Variants in CCSER1 observed in about 807,000 individuals in gnomAD.
CCSER1 encodes the protein serine-rich coiled-coil domain-containing protein 1.
In CCSER1, 41 loss-of-function variants were observed where a neutral mutation model predicts 82.0. The observed-to-expected ratio is 0.50, with a 90% confidence interval of 0.39 to 0.65. CCSER1 has a LOEUF of 0.65. CCSER1 is among the 30% of genes least tolerant of loss of function. The pLI, the probability that CCSER1 is intolerant of heterozygous loss-of-function variation, is 0.00. For missense variants in CCSER1, 1,119 were observed against 1,064.2 expected (o/e 1.05, Z -0.72); for synonymous variants, 414 against 383.9 (o/e 1.08, Z -0.92).
At chr4:91,372,833 C>T (rs1750137782) in intron 10 of CCSER1, among the ~76,000 whole-genome samples, 1 of 152,000 alleles carries the variant, frequency 6.6e-6, no homozygotes, top group Non-Finnish European at 1.5e-5. Context: ...AGACAAACCA[C>T]CACAATCATG....
In CCSER1 at chr4:90,610,780, G is replaced by A. The variant is rs72871957; in HGVS notation, c.1725-17245G>A. Among the ~76,000 whole-genome samples the A allele has an allele frequency of 9.2e-3, 1,399 of 152,176 alleles. 19 individuals carry two copies. Among genetic ancestry groups the A allele is most frequent in the African/African-American group, 0.032 (1,315 of 41,496 alleles). On this transcript the variant is annotated intron_variant, in intron 5 of 10. Transcript: ENST00000509176. ...AATTTATTAATATGCATTGAATAGC[G>A]CTAGAGTGTACAGAAGGCAGATCGA... is the stretch of plus-strand genomic sequence containing the variant.
intron 9 of CCSER1, among the ~76,000 whole-genome samples, chr4:91,009,195 G>T (rs1738790662): frequency 6.6e-6 from 1 of 152,178 alleles, no homozygotes; most frequent in African/African-American, 2.4e-5. Context: ...ACACAGAGCA[G>T]AAGAGAGTGC....
At chr4:91,321,221 TAAC>T (rs995753186) in intron 10 of CCSER1, among the ~76,000 whole-genome samples, 1 of 152,094 alleles carries the variant, frequency 6.6e-6, no homozygotes, top group Non-Finnish European at 1.5e-5. Flanking sequence ...GCTATGATAA[TAAC>T]AACTTAACAC....
intron 10 of CCSER1, among the ~76,000 whole-genome samples, chr4:91,595,368 C>T (rs1217747546): frequency 6.6e-6 from 1 of 152,058 alleles, no homozygotes; most frequent in African/African-American, 2.4e-5. Context: ...CAAACTACAA[C>T]AATAAATATA....
At chr4:90,915,145 A>C (rs953383875) in intron 8 of CCSER1, among the ~76,000 whole-genome samples, 1 of 152,180 alleles carries the variant, frequency 6.6e-6, no homozygotes, top group Non-Finnish European at 1.5e-5. Context: ...AAAAGAGGGA[A>C]TCCTCCCTAA....
intron 4 of CCSER1, among the ~76,000 whole-genome samples, chr4:90,467,609 G>C (rs1416247384): frequency 2.0e-5 from 3 of 152,068 alleles, no homozygotes; most frequent in Non-Finnish European, 4.4e-5. Context: ...CTTGGACTTG[G>C]GAGGCGGAGG....
At chr4:90,980,706 A>G (rs1736034788) in intron 9 of CCSER1, among the ~76,000 whole-genome samples, 1 of 151,576 alleles carries the variant, frequency 6.6e-6, no homozygotes, top group Non-Finnish European at 1.5e-5. Flanking sequence ...AGAGAGGGAA[A>G]GTAGGGATAG....
chr4:90,403,007 A>C (rs1373347453), intron 4 of CCSER1, among the ~76,000 whole-genome samples: 1 of 152,206 alleles, frequency 6.6e-6, no homozygotes, highest in East Asian at 1.9e-4. Context: ...CTAATAGATA[A>C]AATATTACTT....
At chr4:90,459,377 A>G (rs1280365023) in intron 4 of CCSER1, among the ~76,000 whole-genome samples, 1 of 152,146 alleles carries the variant, frequency 6.6e-6, no homozygotes, top group Non-Finnish European at 1.5e-5. Context: ...TTAATTATTA[A>G]TATTAGTAAA....
chr4:90,309,567 T>A lies in CCSER1; in HGVS notation c.1283T>A (p.Phe428Tyr). ...CCTACTTCTGGTGATCATCATATTT[T>A]TAACAAAACATCACATGGATATGAA... is the stretch of plus-strand genomic sequence containing the variant. ...IIPTSGDHHI[F>Y]NKTSHGYEAN... Residue 428 changes from phenylalanine to tyrosine, a missense_variant, in exon 2 of 11, where the codon TTT (phenylalanine) becomes TAT (tyrosine). Coordinates refer to ENST00000509176, the MANE Select transcript of CCSER1 (RefSeq NM_001145065.2). 6.2e-7 allele frequency: 1 copy of A among 1,604,788 alleles called. No homozygotes were observed. The highest frequency in any genetic ancestry group is 1.3e-5 in the African/African-American group (1 of 74,488).
chr4:91,597,786 G>A (rs1578890706), intron 10 of CCSER1, among the ~76,000 whole-genome samples: 1 of 110,946 alleles, frequency 9.0e-6, no homozygotes, highest in Non-Finnish European at 1.9e-5. Flanking sequence ...GAACAATTAA[G>A]CCAGCCAGTC....
At chr4:91,425,246 T>A (rs1753903419) in intron 10 of CCSER1, among the ~76,000 whole-genome samples, 2 of 152,116 alleles carry the variant, frequency 1.3e-5, no homozygotes, top group South Asian at 2.1e-4. Flanking sequence ...ATTTTAGAAC[T>A]AATGGGAACT....
At chr4:90,472,332 T>A (rs1764510424) in intron 5 of CCSER1, among the ~76,000 whole-genome samples, 1 of 152,214 alleles carries the variant, frequency 6.6e-6, no homozygotes, top group South Asian at 2.1e-4. Flanking sequence ...ATATTTGTAT[T>A]ATCTAACCAA....
chr4:90,696,425 G>A (rs1013498425), intron 6 of CCSER1, among the ~76,000 whole-genome samples: 1 of 151,856 alleles, frequency 6.6e-6, no homozygotes, highest in Non-Finnish European at 1.5e-5. Context: ...TGAAGATAAA[G>A]GTGTTTAAGT....
chr4:91,272,661 A>G (rs1451895272), intron 10 of CCSER1, among the ~76,000 whole-genome samples: 2 of 151,704 alleles, frequency 1.3e-5, no homozygotes, highest in Non-Finnish European at 2.9e-5. Flanking sequence ...TTGGTCATGA[A>G]CTCTTTGCCT....
intron 10 of CCSER1, among the ~76,000 whole-genome samples, chr4:91,539,325 A>G (rs895379962): frequency 2.0e-5 from 3 of 152,082 alleles, no homozygotes; most frequent in South Asian, 2.1e-4. Flanking sequence ...ATCTTTATCC[A>G]TGATATAGTT....
chr4:91,594,370 CAT>C (rs754882614), intron 10 of CCSER1, among the ~76,000 whole-genome samples: 58 of 136,060 alleles, frequency 4.3e-4, no homozygotes, highest in Middle Eastern at 3.8e-3. Context: ...TATATATACA[CAT>C]ATATATACAC....
At chr4:90,385,344 C>T (rs1578209859) in intron 3 of CCSER1, among the ~76,000 whole-genome samples, 1 of 150,878 alleles carries the variant, frequency 6.6e-6, no homozygotes, top group Middle Eastern at 3.4e-3. Context: ...TACATTCCCA[C>T]CAATAGTATA....
chr4:91,375,811 G>T (rs1750373004), intron 10 of CCSER1, among the ~76,000 whole-genome samples: 1 of 151,526 alleles, frequency 6.6e-6, no homozygotes, highest in Non-Finnish European at 1.5e-5. Flanking sequence ...AAAACCAAAG[G>T]GATTACTCAA....
Sources: allele counts gnomAD v4.1 joint callset (sites outside exome capture counted in the v4.1 genomes callset), GRCh38; gene constraint gnomAD v4.1.1; transcripts MANE v1.5; gene names NCBI Gene and HGNC (gene_info 2026-07-23, HGNC 2026-07-21).